ADK: variants seen among roughly 807,000 people sequenced by gnomAD.
ADK encodes N6,N6-dimethyladenosine kinase.
A neutral mutation model predicts 44.7 loss-of-function variants in ADK; 24 were observed. The observed-to-expected ratio is 0.54, with a 90% CI of 0.39 to 0.76. The LOEUF (loss-of-function observed/expected upper bound fraction) is 0.76, where lower values mean the gene tolerates loss of function less well. Ranked by LOEUF, ADK falls within the 30% of genes least tolerant of loss-of-function variation. The pLI is 0.00. For synonymous variants in ADK, 128 were observed against 142.6 expected (o/e 0.90, Z 0.73); for missense variants, 321 against 425.1 (o/e 0.76, Z 2.15).
At chr10:74,249,283 G>C (rs1470746657) in intron 3 of ADK, among the ~76,000 whole-genome samples, 5 of 152,044 alleles carry the variant, frequency 3.3e-5, no homozygotes, top group African/African-American at 1.2e-4. Context: ...TATTAGTTTT[G>C]AACATTTTTT....
At chr10:74,374,637 A>G (rs1842764672) in intron 4 of ADK, among the ~76,000 whole-genome samples, 1 of 152,054 alleles carries the variant, frequency 6.6e-6, no homozygotes, top group Non-Finnish European at 1.5e-5. Flanking sequence ...TAACTCTCTG[A>G]TCCCAGCCTG....
intron 6 of ADK, among the ~76,000 whole-genome samples, chr10:74,512,507 A>G (rs1848378898): frequency 6.8e-6 from 1 of 147,478 alleles, no homozygotes; most frequent in Non-Finnish European, 1.5e-5. Flanking sequence ...CAGTCTTGGT[A>G]GGTTTTACGT....
intron 6 of ADK, among the ~76,000 whole-genome samples, chr10:74,420,097 G>A (rs1476040940): frequency 6.6e-6 from 1 of 152,134 alleles, no homozygotes. Context: ...CTGCCAGTAG[G>A]TAGATTATAT....
chr10:74,626,237 G>T (rs1301096778), intron 9 of ADK, among the ~76,000 whole-genome samples: 2 of 151,876 alleles, frequency 1.3e-5, no homozygotes, highest in East Asian at 3.9e-4. Flanking sequence ...TAAGGGTCCA[G>T]AAATCAATGG....
At position 74,194,720 on chromosome 10, in the gene ADK, C is replaced by T. The variant is rs184695334; in HGVS notation, c.66-6044C>T. ...TTGTGGGAAATCCAGGTACAGGAAG[C>T]GTTTGATAAAACCAAGATGATGTCG... On this transcript the variant is annotated intron_variant, in intron 1 of 10. Coordinates refer to ENST00000539909, the MANE Select transcript of ADK (RefSeq NM_006721.4). Among the ~76,000 whole-genome samples, 215 of 152,174 alleles carry T rather than the reference C, an allele frequency of 1.4e-3. 6 individuals are homozygous for T. The highest frequency in any genetic ancestry group is 0.013 in the Admixed American group (198 of 15,284).
At chr10:74,301,954 A>G (rs1840046614) in intron 3 of ADK, among the ~76,000 whole-genome samples, 1 of 152,066 alleles carries the variant, frequency 6.6e-6, no homozygotes, top group African/African-American at 2.4e-5. Context: ...TTCACCTGCA[A>G]TTAAATATCA....
intron 6 of ADK, among the ~76,000 whole-genome samples, chr10:74,462,738 CAT>C (rs1846215917): frequency 6.6e-6 from 1 of 152,168 alleles, no homozygotes; most frequent in Admixed American, 6.5e-5. Context: ...TCCAATGTGA[CAT>C]GTGTTTGTTG....
intron 4 of ADK, chr10:74,344,583 T>G (rs953567824): frequency 3.1e-5 from 8 of 255,322 alleles, no homozygotes; most frequent in African/African-American, 1.8e-4. Flanking sequence ...CTGCCAGAGC[T>G]TCATTCTGCT....
intron 9 of ADK, among the ~76,000 whole-genome samples, chr10:74,665,817 A>G (rs544157346): frequency 1.3e-5 from 2 of 151,920 alleles, no homozygotes; most frequent in South Asian, 4.2e-4. Flanking sequence ...AAAGGAAGGA[A>G]AAGGAAGAGA....
chr10:74,298,009 A>T (rs1839878393), intron 3 of ADK, among the ~76,000 whole-genome samples: 1 of 152,244 alleles, frequency 6.6e-6, no homozygotes, highest in Admixed American at 6.5e-5. Flanking sequence ...GGGCATACCT[A>T]TATGTCAAAA....
chr10:74,345,304 A>G lies in ADK; in HGVS notation c.273+30559A>G, dbSNP rs551234865. 7.7e-3 allele frequency among the ~76,000 whole-genome samples: 744 copies of G among 96,042 alleles called. 11 individuals carry two copies. The highest frequency in any genetic ancestry group is 0.029 in the Admixed American group (251 of 8,672). 63.0% of individuals were successfully genotyped at this position (96,042 alleles called of 152,430 possible). ...CTTGTGGGTGTTGTTTGCATCACGT[A>G]TCTTTTTTTTTTTTCCCAGACAGGG... On this transcript the variant is annotated intron_variant, in intron 4 of 10. Transcript: ENST00000539909.
chr10:74,596,814 T>C (rs965115704), intron 8 of ADK, among the ~76,000 whole-genome samples: 3 of 152,238 alleles, frequency 2.0e-5, no homozygotes, highest in African/African-American at 7.2e-5. Context: ...CCCAGTGTGC[T>C]GGGATTACAG....
intron 4 of ADK, among the ~76,000 whole-genome samples, chr10:74,363,919 C>T (rs1842420277): frequency 6.6e-6 from 1 of 152,146 alleles, no homozygotes; most frequent in Non-Finnish European, 1.5e-5. Flanking sequence ...TAGGATGCAT[C>T]CCCTACTGCA....
At chr10:74,555,298 C>T (rs1419529615) in intron 7 of ADK, among the ~76,000 whole-genome samples, 3 of 152,026 alleles carry the variant, frequency 2.0e-5, no homozygotes, top group Non-Finnish European at 4.4e-5. Flanking sequence ...ATGTTAAGGG[C>T]TGGTCTTTCT....
intron 3 of ADK, among the ~76,000 whole-genome samples, chr10:74,302,761 AC>A (rs1840103170): frequency 6.6e-6 from 1 of 152,004 alleles, no homozygotes; most frequent in Non-Finnish European, 1.5e-5. Context: ...GTGCCACTGC[AC>A]TCCAGCCTCC....
chr10:74,525,457 TG>T (rs1848999975), intron 7 of ADK, 31 bp downstream of exon 7: 7 of 1,578,284 alleles, frequency 4.4e-6, no homozygotes, highest in South Asian at 1.1e-5. Flanking sequence ...CAAAAGAACC[TG>T]GGGGTTTTTT....
At chr10:74,187,060 G>T (rs1446281411) in intron 1 of ADK, among the ~76,000 whole-genome samples, 2 of 148,006 alleles carry the variant, frequency 1.4e-5, no homozygotes, top group African/African-American at 4.9e-5. Context: ...ATTCCCACCA[G>T]TTTTTTTTTT....
At chr10:74,222,426 GT>G (rs1844347421) in intron 2 of ADK, among the ~76,000 whole-genome samples, 1 of 151,496 alleles carries the variant, frequency 6.6e-6, no homozygotes, top group African/African-American at 2.4e-5. Flanking sequence ...CTGTAAACTA[GT>G]TCAACCATTG....
chr10:74,501,859 T>A (rs1325941652), intron 6 of ADK, among the ~76,000 whole-genome samples: 1 of 151,966 alleles, frequency 6.6e-6, no homozygotes. Flanking sequence ...GAGTGAGGAA[T>A]GGGGAATAAC....
Sources: gnomAD v4.1 joint callset for allele counts (sites outside exome capture counted in the v4.1 genomes callset) on GRCh38, gnomAD v4.1.1 for gene constraint, MANE v1.5 for transcripts, NCBI Gene and HGNC (gene_info 2026-07-23, HGNC 2026-07-21) for gene names.